The following FAM227A variants were observed in gnomAD, a reference collection of about 807,000 sequenced individuals.
The protein encoded by FAM227A is protein FAM227A.
Under a neutral mutation model 74.7 loss-of-function variants are expected in FAM227A, and 80 were observed. The observed-to-expected ratio is 1.07, with a 90% CI of 0.89 to 1.29. The LOEUF (loss-of-function observed/expected upper bound fraction) is 1.29, where lower values mean the gene tolerates loss of function less well. FAM227A is among the 50% of genes most tolerant of loss of function. The probability of loss-of-function intolerance (pLI) is 0.00; values close to 1 mark genes in which losing one functional copy is unlikely to be tolerated. For synonymous variants in FAM227A, 237 were observed against 241.8 expected (o/e 0.98, Z 0.19); for missense variants, 654 against 683.4 (o/e 0.96, Z 0.48).
rs1434819894 is a variant in FAM227A at position 38,586,177 on chromosome 22, T to C, written c.1661A>G (p.Lys554Arg). ...ATGTTCAACTTCTGTTTCTCTTCTC[T>C]TTCCCTCTCCTCCTTTCCCCTCCTG... The part of the protein sequence containing the change: ...KTKEGKGGEG[K>R]RRETEVEHFF... The change falls in exon 17 of 17, where the codon AAG becomes AGG. Residue 554 changes from lysine (K) to arginine (R), a missense_variant. Lys to Arg is a conservative substitution (Grantham distance 26). Coordinates refer to ENST00000535113, the MANE Select transcript of FAM227A (RefSeq NM_001013647.2). 2 of 1,551,802 alleles carry C rather than the reference T, an allele frequency of 1.3e-6. No homozygotes were observed. Among genetic ancestry groups the C allele is most frequent in the South Asian group, 2.4e-5 (2 of 84,046 alleles).
intron 9 of FAM227A, among the ~76,000 whole-genome samples, chr22:38,624,630 C>T (rs528642745): frequency 9.2e-5 from 14 of 152,276 alleles, no homozygotes; most frequent in African/African-American, 2.6e-4. Flanking sequence ...AATTGTGGTA[C>T]GTGACAGACA....
chr22:38,646,054 A>C (rs1197527277), intron 2 of FAM227A, among the ~76,000 whole-genome samples: 2 of 151,872 alleles, frequency 1.3e-5, no homozygotes, highest in African/African-American at 4.8e-5. Flanking sequence ...CAAAGTGCTC[A>C]GATCACAGGC....
In FAM227A at chr22:38,617,258, C is replaced by A. The variant is rs555137784; in HGVS notation, c.1038+2954G>T. ...GGGAAGTCAAATAACTTGCCTAAGG[C>A]CACACAGATGGAATCTGAACCTGTG... is the stretch of plus-strand genomic sequence containing the variant. On this transcript the variant is annotated intron_variant, in intron 11 of 16. Coordinates refer to ENST00000535113, the MANE Select transcript of FAM227A (RefSeq NM_001013647.2). Among the ~76,000 whole-genome samples, 13 of 151,172 alleles carry A rather than the reference C, an allele frequency of 8.6e-5. No individual in the cohort carries two copies. The East Asian group carries it at 2.5e-3, about 29-fold the overall frequency.
chr22:38,652,767 C>A (rs2145754946), intron 1 of FAM227A, among the ~76,000 whole-genome samples: 1 of 150,160 alleles, frequency 6.7e-6, no homozygotes, highest in South Asian at 2.1e-4. Flanking sequence ...GTCCCAGCTA[C>A]CAGGGAGGCT....
At chr22:38,587,738 G>T (rs1341269497) in intron 16 of FAM227A, among the ~76,000 whole-genome samples, 5 of 152,264 alleles carry the variant, frequency 3.3e-5, no homozygotes, top group African/African-American at 1.2e-4. Flanking sequence ...TATGGGGCCA[G>T]CATTATACTG....
In FAM227A at chr22:38,645,560, C is replaced by G. The variant is rs958575037; in HGVS notation, c.225+3G>C. ...TGTCTCAGCTCCAGCATAGGTAACT[C>G]ACCAGGCTGTTGGCCGACGGCTCGG... On this transcript the variant is annotated splice_donor_region_variant and intron_variant, in intron 3 of 16. Transcript: ENST00000535113. The G allele has an allele frequency of 1.3e-6, 2 of 1,550,110 alleles. No individual in the cohort carries two copies. The highest frequency in any genetic ancestry group is 1.7e-6 in the Non-Finnish European group (2 of 1,145,586).
chr22:38,597,474 C>T, intron 14 of FAM227A, 118 bp from the exon 15 acceptor site: 2 of 976,994 alleles, frequency 2.0e-6, no homozygotes, highest in Non-Finnish European at 3.2e-6. Context: ...AGGGAAAATG[C>T]CCTGCGTTTC....
chr22:38,646,277 T>C (rs939916131), intron 2 of FAM227A, among the ~76,000 whole-genome samples: 18 of 105,808 alleles, frequency 1.7e-4, no homozygotes, highest in Middle Eastern at 0.011. Flanking sequence ...TTTTTTTTTT[T>C]GAGACGGAGT....
chr22:38,641,948 G>GATGTGT (rs138550896), intron 3 of FAM227A, among the ~76,000 whole-genome samples: 11 of 145,522 alleles, frequency 7.6e-5, no homozygotes, highest in East Asian at 4.0e-4. Flanking sequence ...CTCCCGAAAA[G>GATGTGT]GTGTGTGTGT....
chr22:38,647,225 G>A (rs992946752), intron 2 of FAM227A, among the ~76,000 whole-genome samples: 3 of 152,072 alleles, frequency 2.0e-5, no homozygotes, highest in Non-Finnish European at 4.4e-5. Flanking sequence ...AGCCCTTTGG[G>A]AGGCTGAGGC....
intron 2 of FAM227A, among the ~76,000 whole-genome samples, chr22:38,646,436 G>T: frequency 7.4e-6 from 1 of 134,864 alleles, no homozygotes. Context: ...ATTTTTTTTT[G>T]TATTTTTAGT....
At chr22:38,655,262 G>C (rs564252693) in intron 1 of FAM227A, among the ~76,000 whole-genome samples, 6 of 152,192 alleles carry the variant, frequency 3.9e-5, no homozygotes, top group African/African-American at 7.2e-5. Context: ...AGGCGCAGTG[G>C]CCCGCACCTG....
intron 10 of FAM227A, among the ~76,000 whole-genome samples, chr22:38,621,343 C>CCAAAAAACCAAAAAG (rs2091685154): frequency 8.4e-6 from 1 of 118,356 alleles, no homozygotes; most frequent in African/African-American, 3.3e-5. Flanking sequence ...CAGAAAGACT[C>CCAAAAAACCAAAAAG]TGTCTCAAAA....
At chr22:38,617,937 AC>A (rs934738412) in intron 11 of FAM227A, among the ~76,000 whole-genome samples, 71 of 152,232 alleles carry the variant, frequency 4.7e-4, no homozygotes, top group African/African-American at 1.7e-3. Flanking sequence ...ACAGAGTGAG[AC>A]CCTGTCTCTA....
At position 38,638,670 on chromosome 22, in the gene FAM227A, C is replaced by G. The variant is rs115726891; in HGVS notation, c.372+76G>C. On this transcript the variant is annotated intron_variant, in intron 5 of 16. Coordinates refer to ENST00000535113, the MANE Select transcript of FAM227A (RefSeq NM_001013647.2). ...TCACTACCCAGGCACCAAGTATTCT[C>G]CTCCCCAGGAATAAAATCTTTATTT... 1,234 of 1,084,072 alleles carry G rather than the reference C, an allele frequency of 1.1e-3. 9 individuals carry two copies. In the African/African-American group the frequency reaches 0.017, roughly 15 times the overall value. 67.2% of individuals were successfully genotyped at this position (1,084,072 alleles called of 1,614,324 possible).
In FAM227A at chr22:38,582,750, A is replaced by T; in HGVS notation, c.*3375T>A. On this transcript the variant is annotated 3_prime_UTR_variant, in exon 17 of 17. Transcript: ENST00000535113. ...ACCTTCTTGCTGTATGGGGGCTAAT[A>T]GTAGCGGTGGATAGGTAGACAGGCA... 7.2e-7 allele frequency: 1 copy of T among 1,384,800 alleles called. No individual in the cohort carries two copies. Among genetic ancestry groups the T allele is most frequent in the Non-Finnish European group, 1.0e-6 (1 of 1,004,250 alleles). The allele number at this position is 1,384,800 out of a possible 1,614,324, so 85.8% of individuals were successfully genotyped here. A position where few individuals can be genotyped will look rare whatever the true frequency, so the allele number is the denominator to read the frequency against.
chr22:38,586,067 C>T lies in FAM227A; in HGVS notation c.*58G>A, dbSNP rs200942034. ...CTTATTTTCTTGTTCCACTCCACCTCGTAGCAGAAATATCACGGATTCTGT... is the reference window on the plus strand; with the variant it reads ...CTTATTTTCTTGTTCCACTCCACCTTGTAGCAGAAATATCACGGATTCTGT... On this transcript the variant is annotated 3_prime_UTR_variant, in exon 17 of 17. Transcript: ENST00000535113. The T allele has an allele frequency of 1.5e-4, 235 of 1,551,734 alleles. No individual in the cohort carries two copies. The highest frequency in any genetic ancestry group is 8.1e-4 in the Admixed American group (41 of 50,904).
rs1052881285 is a variant in FAM227A at position 38,639,796 on chromosome 22, A to G, written c.226-72T>C. On this transcript the variant is annotated intron_variant, in intron 3 of 16. Transcript: ENST00000535113. ...CTGGAGAAGGGTGGGGTTAGGGTCT[A>G]GGCGTTTCCTCTTGTTGGTGCACAA... 8.4e-5 allele frequency: 88 copies of G among 1,050,866 alleles called. No homozygotes were observed. The African/African-American group carries it at 1.3e-3, about 16-fold the overall frequency. The allele number at this position is 1,050,866 out of a possible 1,614,324, so 65.1% of individuals were successfully genotyped here. A position where few individuals can be genotyped will look rare whatever the true frequency, so the allele number is the denominator to read the frequency against.
rs1569182926 is a variant in FAM227A, at chr22:38,586,164, T to C, written c.1674A>G (p.Thr558=). Residue 558 remains threonine, a synonymous_variant, in exon 17 of 17, where the codon ACA becomes ACG. Coordinates refer to ENST00000535113, the MANE Select transcript of FAM227A (RefSeq NM_001013647.2). ...GKGGEGKRRE[T]EVEHFFPLTS... is the part of the protein sequence containing the mutation. ...TGAGTGGAAAGAAATGTTCAACTTCTGTTTCTCTTCTCTTTCCCTCTCCTC... is the reference window on the plus strand; with the variant it reads ...TGAGTGGAAAGAAATGTTCAACTTCCGTTTCTCTTCTCTTTCCCTCTCCTC... 1.3e-6 allele frequency: 2 copies of C among 1,551,840 alleles called. No homozygotes were observed. Among genetic ancestry groups the C allele is most frequent in the Non-Finnish European group, 1.7e-6 (2 of 1,147,012 alleles).
Sources: gnomAD v4.1 joint callset for allele counts (sites outside exome capture counted in the v4.1 genomes callset) on GRCh38, gnomAD v4.1.1 for gene constraint, MANE v1.5 for transcripts, NCBI Gene and HGNC (gene_info 2026-07-23, HGNC 2026-07-21) for gene names.